SPATS1: variants seen among roughly 807,000 people sequenced by gnomAD.
The protein encoded by SPATS1 is spermatogenesis-associated serine-rich protein 1.
SPATS1 carries 23 observed loss-of-function variants against 33.6 expected under a neutral mutation model. The observed-to-expected ratio is 0.68, with a 90% CI of 0.49 to 0.97. The LOEUF (loss-of-function observed/expected upper bound fraction) is 0.97. SPATS1 is among the 50% of genes least tolerant of loss of function. The pLI is 0.00. For synonymous variants in SPATS1, 131 were observed against 125.6 expected (o/e 1.04, Z -0.29); for missense variants, 327 against 361.0 (o/e 0.91, Z 0.76).
At chr6:44,372,024 G>A (rs574856070) in intron 7 of SPATS1, among the ~76,000 whole-genome samples, 38 of 151,044 alleles carry the variant, frequency 2.5e-4, no homozygotes, top group South Asian at 4.2e-4. Flanking sequence ...TTGGGAGGCC[G>A]AGGCAGGCAG....
intron 3 of SPATS1, among the ~76,000 whole-genome samples, chr6:44,358,509 A>G (rs1304080708): frequency 5.9e-5 from 9 of 152,116 alleles, no homozygotes; most frequent in Admixed American, 5.9e-4. Flanking sequence ...TTTGCATTTA[A>G]TGGTTTTATT....
chr6:44,360,111 G>A (rs1239288216), intron 3 of SPATS1, among the ~76,000 whole-genome samples: 1 of 152,048 alleles, frequency 6.6e-6, no homozygotes, highest in East Asian at 1.9e-4. Context: ...AACTTTTTGA[G>A]GAACCACCAA....
intron 3 of SPATS1, among the ~76,000 whole-genome samples, chr6:44,357,451 C>T (rs1030193302): frequency 6.6e-5 from 10 of 152,146 alleles, no homozygotes; most frequent in African/African-American, 1.7e-4. Flanking sequence ...GGCGCCATCT[C>T]GGCTCACTGG....
chr6:44,373,787 G>T (rs1030380486), intron 7 of SPATS1, among the ~76,000 whole-genome samples: 54 of 152,182 alleles, frequency 3.5e-4, no homozygotes, highest in African/African-American at 1.3e-3. Context: ...ATAATGTGCA[G>T]TACGTTTACA....
rs554181708 is a variant in SPATS1 at position 44,359,203 on chromosome 6, C to G, written c.288-1243C>G. 2.0e-5 allele frequency among the ~76,000 whole-genome samples: 3 copies of G among 152,194 alleles called. No individual in the cohort carries two copies. The South Asian group carries it at 6.2e-4, about 32-fold the overall frequency. ...CTCAAACACCTGGGCTTAAGTGATC[C>G]TCCTACCTTGGCATCCCGAAATACT... is the stretch of plus-strand genomic sequence containing the variant. On this transcript the variant is annotated intron_variant, in intron 3 of 8. Coordinates refer to ENST00000674044, the MANE Select transcript of SPATS1 (RefSeq NM_001372081.1).
intron 2 of SPATS1, among the ~76,000 whole-genome samples, chr6:44,349,203 G>T (rs1178008683): frequency 6.7e-6 from 1 of 148,336 alleles, no homozygotes; most frequent in Non-Finnish European, 1.5e-5. Flanking sequence ...GGAGGCTGAG[G>T]CAGGAGAATT....
chr6:44,368,802 T>C (rs943403982), intron 6 of SPATS1, among the ~76,000 whole-genome samples: 7 of 152,240 alleles, frequency 4.6e-5, no homozygotes, highest in Non-Finnish European at 1.0e-4. Context: ...GTGACTACTA[T>C]GTGGGTGGAC....
At position 44,379,434 on chromosome 6, in the gene SPATS1, CA is replaced by C. The variant is rs1430202634; in HGVS notation, c.*2378del. On this transcript the variant is annotated 3_prime_UTR_variant, in exon 9 of 9. Coordinates refer to ENST00000674044, the MANE Select transcript of SPATS1 (RefSeq NM_001372081.1). ...AGAAACCCTGTCTCTATTAAAAACA[CA>C]AAAAAATTAGCCAGGCATGGTGGTG... is the stretch of plus-strand genomic sequence containing the variant. Among the ~76,000 whole-genome samples, 2 of 151,338 alleles carry C rather than the reference CA, an allele frequency of 1.3e-5. No individual in the cohort carries two copies. The highest frequency in any genetic ancestry group is 3.0e-5 in the Non-Finnish European group (2 of 67,770).
rs1432503451 is a variant in SPATS1, at chr6:44,377,229, T to A, written c.*166T>A. On this transcript the variant is annotated 3_prime_UTR_variant, in exon 9 of 9. Coordinates refer to ENST00000674044, the MANE Select transcript of SPATS1 (RefSeq NM_001372081.1). ...TATTTTGAAAACTTTCACATTTACATAAAAGTTGCAAGAATTGTACAACAA... is the reference window on the plus strand; with the variant it reads ...TATTTTGAAAACTTTCACATTTACAAAAAAGTTGCAAGAATTGTACAACAA... 1.3e-6 allele frequency: 1 copy of A among 746,426 alleles called. No homozygotes were observed. The allele number at this position is 746,426 out of a possible 1,614,324, so 46.2% of individuals were successfully genotyped here.
At chr6:44,349,987 C>A (rs1019367107) in intron 2 of SPATS1, among the ~76,000 whole-genome samples, 1 of 152,148 alleles carries the variant, frequency 6.6e-6, no homozygotes, top group Non-Finnish European at 1.5e-5. Flanking sequence ...GGACCCGTCT[C>A]CTCATCCTCA....
intron 2 of SPATS1, among the ~76,000 whole-genome samples, chr6:44,350,276 G>T (rs1276197034): frequency 6.6e-6 from 1 of 152,220 alleles, no homozygotes; most frequent in Non-Finnish European, 1.5e-5. Context: ...GTTCTGTGCA[G>T]TTGGGAATCT....
intron 3 of SPATS1, among the ~76,000 whole-genome samples, chr6:44,359,748 T>C (rs1249251166): frequency 1.3e-5 from 2 of 152,104 alleles, no homozygotes; most frequent in South Asian, 2.1e-4. Context: ...TTTTGTATTT[T>C]TGGTAGTGAT....
chr6:44,376,920 C>T (rs972196428), intron 8 of SPATS1, 115 bp from the exon 9 acceptor site: 27 of 1,159,874 alleles, frequency 2.3e-5, no homozygotes, highest in African/African-American at 2.1e-4. Flanking sequence ...TCTTCTGTCC[C>T]GAGGTGGTCT....
chr6:44,366,127 A>ATT (rs199562029), intron 5 of SPATS1, among the ~76,000 whole-genome samples: 119 of 141,456 alleles, frequency 8.4e-4, no homozygotes, highest in African/African-American at 2.7e-3. Flanking sequence ...ATATATATAT[A>ATT]TTTTTTTTTT....
At chr6:44,346,750 T>C (rs1787911354) in intron 2 of SPATS1, among the ~76,000 whole-genome samples, 1 of 152,234 alleles carries the variant, frequency 6.6e-6, no homozygotes, top group Non-Finnish European at 1.5e-5. Context: ...ATATTTATTT[T>C]CATCTTATAA....
chr6:44,353,952 G>C (rs758847186), intron 3 of SPATS1, among the ~76,000 whole-genome samples: 2 of 151,314 alleles, frequency 1.3e-5, no homozygotes, highest in African/African-American at 4.9e-5. Context: ...CAGGAGAATG[G>C]CGTGAACCTA....
intron 7 of SPATS1, 77 bp downstream of exon 7, chr6:44,370,190 G>T: frequency 7.4e-7 from 1 of 1,357,878 alleles, no homozygotes. Context: ...TTATGTGGAG[G>T]AGCAGGTAGA....
chr6:44,374,840 A>G (rs148204855), intron 7 of SPATS1, among the ~76,000 whole-genome samples: 7 of 152,178 alleles, frequency 4.6e-5, no homozygotes, highest in African/African-American at 1.7e-4. Flanking sequence ...TTGGGTTTCT[A>G]CTATTTGGCT....
Position 44,377,045 on chromosome 6 carries a change from C to T in SPATS1, c.885C>T (p.Asp295=), listed in dbSNP as rs946625750. ...MHMLHLSGAL[D]FPRQS ...TGCCTCTATCCACAGGTGCTTTGGACTTTCCAAGACAATCCTGAGCATAAA... is the reference window on the plus strand; with the variant it reads ...TGCCTCTATCCACAGGTGCTTTGGATTTTCCAAGACAATCCTGAGCATAAA... Residue 295 remains aspartate (D), a synonymous_variant, in exon 9 of 9, where the codon GAC becomes GAT. Transcript: ENST00000674044. 2.5e-6 allele frequency: 4 copies of T among 1,614,122 alleles called. No individual in the cohort carries two copies. The highest frequency in any genetic ancestry group is 3.4e-6 in the Non-Finnish European group (4 of 1,180,048).
Sources: gnomAD v4.1 joint callset for allele counts (sites outside exome capture counted in the v4.1 genomes callset) on GRCh38, gnomAD v4.1.1 for gene constraint, MANE v1.5 for transcripts, NCBI Gene and HGNC (gene_info 2026-07-23, HGNC 2026-07-21) for gene names.